Variants in ZC3H6 observed in about 807,000 individuals in gnomAD.
ZC3H6 encodes zinc finger CCCH domain-containing protein 6.
ZC3H6 carries 40 observed loss-of-function variants against 107.7 expected under a neutral mutation model. That is an observed-to-expected ratio of 0.37 (90% CI 0.29 to 0.48). The LOEUF is 0.48. Ranked by LOEUF, ZC3H6 falls within the 20% of genes least tolerant of loss-of-function variation. ZC3H6 has a pLI of 0.98. For missense variants in ZC3H6, 1,267 were observed against 1,410.4 expected, an observed-to-expected ratio of 0.90 and a Z score of 1.63; for synonymous variants, 493 against 487.9, an observed-to-expected ratio of 1.01 and a Z score of -0.14.
intron 5 of ZC3H6, among the ~76,000 whole-genome samples, chr2:112,312,378 G>A (rs1455312377): frequency 6.6e-6 from 1 of 152,128 alleles, no homozygotes; most frequent in Non-Finnish European, 1.5e-5. Flanking sequence ...GATATAAATG[G>A]TTGGAAAGGT....
chr2:112,276,031 G>A lies in ZC3H6; in HGVS notation c.32+5G>A. ...TGAACATGCAGGGCACGACAGGTCG[G>A]GAACCCTTCTTGTCTGTCTTTCTGT... On this transcript the variant is annotated splice_donor_5th_base_variant and intron_variant, in intron 1 of 11. Transcript: ENST00000409871. The A allele has an allele frequency of 6.5e-7, 1 of 1,542,618 alleles. No individual in the cohort carries two copies. The highest frequency in any genetic ancestry group is 8.7e-7 in the Non-Finnish European group (1 of 1,143,494).
At chr2:112,291,999 G>A (rs1676131128) in intron 1 of ZC3H6, among the ~76,000 whole-genome samples, 1 of 152,244 alleles carries the variant, frequency 6.6e-6, no homozygotes, top group South Asian at 2.1e-4. Context: ...TTACAGGCGT[G>A]AGCCACTGTG....
In ZC3H6 at chr2:112,331,127, C is replaced by T. The variant is rs771755343; in HGVS notation, c.2209C>T (p.Leu737Phe). The T allele has an allele frequency of 1.2e-6, 2 of 1,613,534 alleles. No homozygotes were observed. The highest frequency in any genetic ancestry group is 2.2e-5 in the South Asian group (2 of 90,972). Residue 737 changes from leucine to phenylalanine, a missense_variant, in exon 12 of 12, where the codon CTC (leucine) becomes TTC (phenylalanine). This residue lies in a region of ZC3H6 where 925 missense variants were observed against 1,025.7 expected (regional missense o/e 0.90). Transcript: ENST00000409871. ...GAATCAGCAACAACCTTCCACAGAA[C>T]TCAGCACTCCTACTGATCCAAGACT... ...LRNQQQPSTE[L>F]STPTDPRLAK... is the part of the protein sequence containing the mutation.
chr2:112,288,269 A>G (rs1203114546), intron 1 of ZC3H6, among the ~76,000 whole-genome samples: 1 of 152,148 alleles, frequency 6.6e-6, no homozygotes, highest in Non-Finnish European at 1.5e-5. Flanking sequence ...GGAAAATAAG[A>G]GAAATTTCCT....
chr2:112,280,983 GA>G (rs58987767), intron 1 of ZC3H6, among the ~76,000 whole-genome samples: 77,446 of 151,932 alleles, frequency 0.51, 21,924 homozygotes, highest in East Asian at 0.77. Flanking sequence ...GACAAGTTAG[GA>G]AGCTTTTCAG....
intron 1 of ZC3H6, among the ~76,000 whole-genome samples, chr2:112,291,426 G>A (rs533102678): frequency 6.6e-6 from 1 of 152,174 alleles, no homozygotes; most frequent in Non-Finnish European, 1.5e-5. Flanking sequence ...TAGAGACGGG[G>A]TTTCGCCATG....
chr2:112,305,825 A>G (rs1450755817), intron 3 of ZC3H6, among the ~76,000 whole-genome samples: 1 of 152,182 alleles, frequency 6.6e-6, no homozygotes, highest in Non-Finnish European at 1.5e-5. Context: ...AAAAAGTTGC[A>G]AGAATGGTGC....
intron 10 of ZC3H6, 58 bp from the exon 11 acceptor site, chr2:112,324,906 T>C (rs1462918736): frequency 3.5e-6 from 5 of 1,448,494 alleles, no homozygotes; most frequent in African/African-American, 1.4e-5. Context: ...TCATTTCTTA[T>C]GACTGGTGAA....
chr2:112,275,873 C>A lies in ZC3H6; in HGVS notation c.-122C>A. 1.4e-6 allele frequency: 1 copy of A among 722,390 alleles called. No individual in the cohort carries two copies. The highest frequency in any genetic ancestry group is 2.2e-6 in the Non-Finnish European group (1 of 452,182). The allele number at this position is 722,390 out of a possible 1,614,324, so 44.7% of individuals were successfully genotyped here. ...TAGTAACCGTGAGTTTTTACCACTT[C>A]GTCACCTGTCGGCGGCGGCCGGGAG... On this transcript the variant is annotated 5_prime_UTR_variant, in exon 1 of 12. Coordinates refer to ENST00000409871, the MANE Select transcript of ZC3H6 (RefSeq NM_198581.3).
At position 112,333,617 on chromosome 2, in the gene ZC3H6, T is replaced by C. The variant is rs1677080653; in HGVS notation, c.*1129T>C. On this transcript the variant is annotated 3_prime_UTR_variant, in exon 12 of 12. Transcript: ENST00000409871. ...TGTATTTTATGAAAAATAACTTGTA[T>C]TCATTCTTGTGTATTTATTACAATA... 1 of 152,178 alleles carries C rather than the reference T, an allele frequency of 6.6e-6. No homozygotes were observed. Among genetic ancestry groups the C allele is most frequent in the Non-Finnish European group, 1.5e-5 (1 of 67,986 alleles). The allele number at this position is 152,178 out of a possible 1,614,324, so 9.4% of individuals were successfully genotyped here. A position where few individuals can be genotyped will look rare whatever the true frequency, so the allele number is the denominator to read the frequency against.
At position 112,299,938 on chromosome 2, in the gene ZC3H6, A is replaced by G; in HGVS notation, c.122A>G (p.Lys41Arg). 6.6e-7 allele frequency: 1 copy of G among 1,520,096 alleles called. No individual in the cohort carries two copies. The highest frequency in any genetic ancestry group is 2.5e-5 in the East Asian group (1 of 39,868). 94.2% of individuals were successfully genotyped at this position (1,520,096 alleles called of 1,614,324 possible). ...GAAGCAAAAGAGAATGAAAAGCAGA[A>G]AAGTGAGAAAGCCTACAGAAAATCA... The part of the protein sequence containing the change: ...EKEAKENEKQ[K>R]SEKAYRKSRK... The change falls in exon 2 of 12, where the codon AAA becomes AGA. Residue 41 changes from lysine (K) to arginine (R), a missense_variant. By Grantham distance (26) the Lys-to-Arg change is conservative. This residue lies in a region of ZC3H6 where 337 missense variants were observed against 361.2 expected (regional missense o/e 0.93). Transcript: ENST00000409871.
Position 112,331,518 on chromosome 2 carries a change from C to T in ZC3H6, c.2600C>T (p.Thr867Ile), listed in dbSNP as rs1677031178. 4 of 1,613,880 alleles carry T rather than the reference C, an allele frequency of 2.5e-6. No homozygotes were observed. The highest frequency in any genetic ancestry group is 3.4e-6 in the Non-Finnish European group (4 of 1,179,906). Residue 867 changes from threonine to isoleucine, a missense_variant, in exon 12 of 12, where the codon ACT (threonine) becomes ATT (isoleucine). Transcript: ENST00000409871. ...RQFSHIKMDI[T>I]LTKPNFAKHI... ...TTCAGTCACATTAAAATGGACATTA[C>T]TCTAACCAAACCCAACTTTGCAAAA...
In ZC3H6 at chr2:112,280,195, C is replaced by G. The variant is rs1213129429; in HGVS notation, c.32+4169C>G. ...AGATTAGAGTACACTTTTTGCTCCA[C>G]ACAATATCTGGTTTGTAAATTAGTA... On this transcript the variant is annotated intron_variant, in intron 1 of 11. Coordinates refer to ENST00000409871, the MANE Select transcript of ZC3H6 (RefSeq NM_198581.3). Among the ~76,000 whole-genome samples the G allele has an allele frequency of 2.0e-5, 3 of 152,292 alleles. No homozygotes were observed. The East Asian group carries it at 5.8e-4, about 29-fold the overall frequency.
At position 112,333,057 on chromosome 2, in the gene ZC3H6, G is replaced by A. The variant is rs1005537229; in HGVS notation, c.*569G>A. The A allele has an allele frequency of 1.3e-5, 2 of 152,568 alleles. No homozygotes were observed. The highest frequency in any genetic ancestry group is 6.5e-5 in the Admixed American group (1 of 15,272). 9.5% of individuals were successfully genotyped at this position (152,568 alleles called of 1,614,324 possible). A position where few individuals can be genotyped will look rare whatever the true frequency, so the allele number is the denominator to read the frequency against. ...TGGCAATATTATTTGTGTAAATGAA[G>A]CATTTGAATGTCATATCTTTTTAAA... On this transcript the variant is annotated 3_prime_UTR_variant, in exon 12 of 12. Transcript: ENST00000409871.
chr2:112,304,050 G>A (rs1430870132), intron 3 of ZC3H6, among the ~76,000 whole-genome samples: 2 of 152,118 alleles, frequency 1.3e-5, no homozygotes, highest in Admixed American at 1.3e-4. Context: ...AATAATGTAA[G>A]TATAAAAATA....
chr2:112,320,054 T>G (rs1241328513), intron 7 of ZC3H6, among the ~76,000 whole-genome samples: 9 of 152,306 alleles, frequency 5.9e-5, no homozygotes, highest in Non-Finnish European at 7.4e-5. Flanking sequence ...TGCCTCAGCC[T>G]CCCGAGTAGC....
chr2:112,291,076 C>T (rs1452869220), intron 1 of ZC3H6, among the ~76,000 whole-genome samples: 1 of 152,212 alleles, frequency 6.6e-6, no homozygotes, highest in Non-Finnish European at 1.5e-5. Flanking sequence ...ACTTTTGTTT[C>T]CTGAAGCTCA....
chr2:112,319,379 C>T (rs1056373157), intron 7 of ZC3H6, among the ~76,000 whole-genome samples: 8 of 152,084 alleles, frequency 5.3e-5, no homozygotes, highest in African/African-American at 1.9e-4. Context: ...GGCACGGTGG[C>T]TCATGCCTGT....
chr2:112,309,927 C>A lies in ZC3H6; in HGVS notation c.379C>A (p.Gln127Lys). Reference protein sequence around the residue: ...SGSYITSKKGQHNKKFKSKEY... With the variant: ...SGSYITSKKGKHNKKFKSKEY... ...AAGCTACATAACATCAAAGAAGGGT[C>A]AACATAACAAAAAATTTAAAAGTAA... is the stretch of plus-strand genomic sequence containing the variant. The change falls in exon 4 of 12, where the codon CAA (glutamine) becomes AAA (lysine). Residue 127 changes from glutamine (Q) to lysine (K), a missense_variant. Coordinates refer to ENST00000409871, the MANE Select transcript of ZC3H6 (RefSeq NM_198581.3). 1 of 1,596,268 alleles carries A rather than the reference C, an allele frequency of 6.3e-7. No homozygotes were observed. Among genetic ancestry groups the A allele is most frequent in the South Asian group, 1.1e-5 (1 of 88,050 alleles).
Sources: allele counts gnomAD v4.1 joint callset (sites outside exome capture counted in the v4.1 genomes callset), GRCh38; gene constraint gnomAD v4.1.1; regional missense constraint gnomAD v4.1.1; transcripts MANE v1.5; gene names NCBI Gene and HGNC (gene_info 2026-07-23, HGNC 2026-07-21).